The following COPB1 variants were observed in gnomAD, a reference collection of about 807,000 sequenced individuals.
The protein encoded by COPB1 is coatomer subunit beta.
Under a neutral mutation model 108.7 loss-of-function variants are expected in COPB1, and 21 were observed. That is an observed-to-expected ratio of 0.19 (90% CI 0.14 to 0.28). The LOEUF (loss-of-function observed/expected upper bound fraction) is 0.28. Among genes scored for constraint, COPB1 ranks in the 10% least tolerant of loss-of-function variants. The pLI, the probability that COPB1 is intolerant of heterozygous loss-of-function variation, is 1.00. For synonymous variants in COPB1, 378 were observed against 386.8 expected, an observed-to-expected ratio of 0.98 and a Z score of 0.27; for missense variants, 919 against 1,141.3, an observed-to-expected ratio of 0.81 and a Z score of 2.81.
At chr11:14,464,363 A>G (rs1410966919) in intron 18 of COPB1, among the ~76,000 whole-genome samples, 3 of 152,150 alleles carry the variant, frequency 2.0e-5, no homozygotes, top group Non-Finnish European at 4.4e-5. Flanking sequence ...CATACTGCAC[A>G]TATTTATTTT....
chr11:14,492,351 A>G (rs779420277), intron 4 of COPB1, among the ~76,000 whole-genome samples: 1 of 151,566 alleles, frequency 6.6e-6, no homozygotes, highest in Non-Finnish European at 1.5e-5. Context: ...TATTTTTATT[A>G]TTATTTTTTG....
At position 14,475,871 on chromosome 11, in the gene COPB1, T is replaced by C; in HGVS notation, c.1530A>G (p.Pro510=). 3.1e-6 allele frequency: 5 copies of C among 1,613,958 alleles called. No homozygotes were observed. Among genetic ancestry groups the C allele is most frequent in the Non-Finnish European group, 3.4e-6 (4 of 1,179,912 alleles). ...CCATTTCAGTAACCAATTTCTGAAC[T>C]GGCCCTACAGTTATTTCTTCTTCAG... The part of the protein sequence containing the change: ...LKPEEEITVG[P]VQKLVTEMGT... Residue 510 remains proline, a synonymous_variant, in exon 13 of 22, where the codon CCA becomes CCG. Transcript: ENST00000439561.
intron 4 of COPB1, 66 bp from the exon 5 acceptor site, chr11:14,490,745 G>A: frequency 3.7e-6 from 3 of 807,574 alleles, no homozygotes; most frequent in Non-Finnish European, 5.9e-6. Context: ...GTAACTCTCT[G>A]GACAATACCA....
chr11:14,460,428 T>C (rs999989889), intron 19 of COPB1, 131 bp from the exon 20 acceptor site: 1 of 585,604 alleles, frequency 1.7e-6, no homozygotes, highest in Non-Finnish European at 3.0e-6. Flanking sequence ...AGAAACTAAA[T>C]AACATCTATA....
At chr11:14,493,517 C>T in intron 4 of COPB1, 125 bp downstream of exon 4, 1 of 714,328 alleles carries the variant, frequency 1.4e-6, no homozygotes, top group Non-Finnish European at 2.1e-6. Context: ...ATAAAAAATA[C>T]AGTGCTGGCC....
At chr11:14,484,576 G>T (rs1850730289) in intron 7 of COPB1, among the ~76,000 whole-genome samples, 1 of 152,156 alleles carries the variant, frequency 6.6e-6, no homozygotes, top group East Asian at 1.9e-4. Context: ...AAATTAGCTG[G>T]GTGTGGTGGC....
intron 5 of COPB1, among the ~76,000 whole-genome samples, chr11:14,489,541 C>T (rs1850848464): frequency 6.6e-6 from 1 of 152,150 alleles, no homozygotes; most frequent in African/African-American, 2.4e-5. Flanking sequence ...TATTATTTAG[C>T]CTTAAAAAGG....
chr11:14,480,832 C>T lies in COPB1; in HGVS notation c.1139G>A (p.Arg380Lys), dbSNP rs931094200. Reference sequence around the variant, plus strand: ...ATGCAATGTTCGCACTAGGAGTTGTCTGTATTTGTCAGTATCTTCATGCTC... The same window carrying T: ...ATGCAATGTTCGCACTAGGAGTTGTTTGTATTTGTCAGTATCTTCATGCTC... ...VSEHEDTDKY[R>K]QLLVRTLHSC... Residue 380 changes from arginine (R) to lysine (K), a missense_variant, in exon 10 of 22, where the codon AGA (arginine) becomes AAA (lysine). Arg to Lys is a conservative substitution (Grantham distance 26). Coordinates refer to ENST00000439561, the MANE Select transcript of COPB1 (RefSeq NM_001144061.2). The T allele has an allele frequency of 5.0e-6, 8 of 1,614,006 alleles. No individual in the cohort carries two copies. The highest frequency in any genetic ancestry group is 6.8e-6 in the Non-Finnish European group (8 of 1,179,904).
chr11:14,483,259 CTCCCATGAAGCCAAAAT>C, intron 7 of COPB1, 108 bp from the exon 8 acceptor site: 4 of 610,584 alleles, frequency 6.6e-6, no homozygotes, highest in Non-Finnish European at 7.8e-6. Flanking sequence ...CACACACACA[CTCCCATGAAGCCAAAAT>C]ACACTCATTA....
chr11:14,474,546 G>C lies in COPB1; in HGVS notation c.1686C>G (p.Thr562=). ...AAGCTACATAGCGCAATGCAATCTTGGTCAGAGTTGTGGCAAGGGAGGCAG... is the reference window on the plus strand; with the variant it reads ...AAGCTACATAGCGCAATGCAATCTTCGTCAGAGTTGTGGCAAGGGAGGCAG... The part of the protein sequence containing the change: ...FVAASLATTL[T]KIALRYVALV... Residue 562 remains threonine, a synonymous_variant, in exon 14 of 22, where the codon ACC becomes ACG. Coordinates refer to ENST00000439561, the MANE Select transcript of COPB1 (RefSeq NM_001144061.2). 1 of 1,613,982 alleles carries C rather than the reference G, an allele frequency of 6.2e-7. No homozygotes were observed.
chr11:14,485,277 C>T (rs1317232239), intron 7 of COPB1, among the ~76,000 whole-genome samples: 1 of 152,128 alleles, frequency 6.6e-6, no homozygotes, highest in Non-Finnish European at 1.5e-5. Context: ...CCACCTTGGC[C>T]TCCCAAAGTA....
At chr11:14,474,879 T>C (rs1850485124) in intron 13 of COPB1, among the ~76,000 whole-genome samples, 1 of 152,038 alleles carries the variant, frequency 6.6e-6, no homozygotes, top group African/African-American at 2.4e-5. Context: ...GCGGATTACC[T>C]GAGGTCAGGA....
In COPB1 at chr11:14,486,177, T is replaced by C. The variant is rs144533811; in HGVS notation, c.837+190A>G. ...GTCATTCTCTGTCTGTATCTATATA[T>C]GTGTGTATGAAAGCAGGAAGGAAGA... On this transcript the variant is annotated intron_variant, in intron 7 of 21. Coordinates refer to ENST00000439561, the MANE Select transcript of COPB1 (RefSeq NM_001144061.2). Among the ~76,000 whole-genome samples the C allele has an allele frequency of 5.9e-5, 9 of 152,320 alleles. No homozygotes were observed. In the East Asian group the frequency reaches 1.7e-3, roughly 29 times the overall value.
intron 4 of COPB1, among the ~76,000 whole-genome samples, chr11:14,491,296 C>T (rs1230326869): frequency 6.6e-6 from 1 of 152,066 alleles, no homozygotes; most frequent in African/African-American, 2.4e-5. Flanking sequence ...GATCCACCCA[C>T]CTCGGCTTCC....
chr11:14,476,842 C>A, intron 12 of COPB1, 77 bp downstream of exon 12: 6 of 801,456 alleles, frequency 7.5e-6, no homozygotes, highest in East Asian at 2.8e-5. Context: ...ATAATGTAAG[C>A]AAATCACTAT....
intron 8 of COPB1, among the ~76,000 whole-genome samples, chr11:14,481,756 AC>A (rs1315869275): frequency 1.3e-5 from 2 of 152,296 alleles, no homozygotes; most frequent in East Asian, 3.9e-4. Context: ...TATATCCTTC[AC>A]CTACATTCAC....
intron 12 of COPB1, 73 bp from the exon 13 acceptor site, chr11:14,476,018 T>A (rs1850513055): frequency 1.5e-6 from 2 of 1,352,546 alleles, no homozygotes; most frequent in East Asian, 4.7e-5. Context: ...AATATTTGAT[T>A]GTTTCTCTAA....
chr11:14,458,074 A>T (rs1589948974), intron 21 of COPB1, among the ~76,000 whole-genome samples, 191 bp from the exon 22 acceptor site: 3 of 100,714 alleles, frequency 3.0e-5, no homozygotes, highest in Admixed American at 1.3e-4. Flanking sequence ...CCGTCACCAG[A>T]TTTTTTTTTT....
At chr11:14,474,642 C>T (rs1216101002) in intron 13 of COPB1, 27 bp from the exon 14 acceptor site, 2 of 1,611,274 alleles carry the variant, frequency 1.2e-6, no homozygotes, top group Non-Finnish European at 8.5e-7. Flanking sequence ...GAAAATCAAA[C>T]CCACCAACTT....
Sources: gnomAD v4.1 joint callset for allele counts (sites outside exome capture counted in the v4.1 genomes callset) on GRCh38, gnomAD v4.1.1 for gene constraint, MANE v1.5 for transcripts, NCBI Gene and HGNC (gene_info 2026-07-23, HGNC 2026-07-21) for gene names.